The following RAB6A variants were observed in gnomAD, a reference collection of about 807,000 sequenced individuals.
RAB6A encodes the protein ras-related protein Rab-6A.
Under a neutral mutation model 32.3 loss-of-function variants are expected in RAB6A, and 8 were observed. The observed-to-expected ratio is 0.25, with a 90% CI of 0.15 to 0.45. The LOEUF (loss-of-function observed/expected upper bound fraction) is 0.45, where lower values mean the gene tolerates loss of function less well. RAB6A is among the 20% of genes least tolerant of loss of function. The pLI, the probability that RAB6A is intolerant of heterozygous loss-of-function variation, is 1.00. For synonymous variants in RAB6A, 73 were observed against 82.1 expected, an observed-to-expected ratio of 0.89 and a Z score of 0.60; for missense variants, 104 against 249.4, an observed-to-expected ratio of 0.42 and a Z score of 3.93.
At chr11:73,746,884 A>G (rs1212432872) in intron 1 of RAB6A, among the ~76,000 whole-genome samples, 2 of 152,218 alleles carry the variant, frequency 1.3e-5, no homozygotes, top group Admixed American at 1.3e-4. Flanking sequence ...CTGTGCCTCA[A>G]TTTCCTCACG....
At chr11:73,760,505 AC>A in intron 1 of RAB6A, 60 bp downstream of exon 1, 1 of 1,538,244 alleles carries the variant, frequency 6.5e-7, no homozygotes, top group African/African-American at 1.4e-5. Context: ...GAAGGGCCGC[AC>A]CGGGGGCGGT....
intron 2 of RAB6A, among the ~76,000 whole-genome samples, chr11:73,728,393 G>C (rs1280417057): frequency 1.3e-5 from 2 of 151,900 alleles, no homozygotes; most frequent in African/African-American, 4.8e-5. Flanking sequence ...CTTTTTATGT[G>C]TACATTCAAA....
intron 6 of RAB6A, among the ~76,000 whole-genome samples, chr11:73,687,594 A>C (rs542906002): frequency 2.0e-5 from 3 of 152,216 alleles, no homozygotes; most frequent in African/African-American, 7.2e-5. Flanking sequence ...GGCTCATGCC[A>C]CTCGTAATCC....
chr11:73,682,826 G>A (rs949295188), intron 6 of RAB6A, among the ~76,000 whole-genome samples: 21 of 152,054 alleles, frequency 1.4e-4, no homozygotes, highest in African/African-American at 3.9e-4. Flanking sequence ...ATTATACCCC[G>A]TTTAAACCAG....
chr11:73,716,034 T>G (rs1412875626), intron 5 of RAB6A, among the ~76,000 whole-genome samples: 1 of 152,234 alleles, frequency 6.6e-6, no homozygotes, highest in Non-Finnish European at 1.5e-5. Flanking sequence ...AAGAGTTATT[T>G]ACACATGGGC....
intron 3 of RAB6A, chr11:73,718,933 T>C: frequency 7.1e-7 from 1 of 1,411,394 alleles, no homozygotes; most frequent in Non-Finnish European, 9.8e-7. Context: ...AAAACCAAAC[T>C]AATACTAAAA....
intron 1 of RAB6A, among the ~76,000 whole-genome samples, chr11:73,746,757 C>G (rs1050297816): frequency 4.0e-5 from 6 of 149,554 alleles, no homozygotes; most frequent in African/African-American, 1.5e-4. Flanking sequence ...CAAAACTCTG[C>G]CTCGAAATAA....
At chr11:73,697,103 A>G (rs779560162) in intron 6 of RAB6A, among the ~76,000 whole-genome samples, 3 of 151,810 alleles carry the variant, frequency 2.0e-5, no homozygotes, top group Non-Finnish European at 4.4e-5. Flanking sequence ...TAATTTCCTT[A>G]CTATTCCTTA....
chr11:73,731,318 G>A (rs1439914000), intron 1 of RAB6A, among the ~76,000 whole-genome samples: 1 of 152,038 alleles, frequency 6.6e-6, no homozygotes, highest in Non-Finnish European at 1.5e-5. Flanking sequence ...GCCAACGTGG[G>A]TGGATCACGA....
chr11:73,730,576 G>T (rs982899925), intron 2 of RAB6A, 189 bp downstream of exon 2: 5 of 530,096 alleles, frequency 9.4e-6, no homozygotes, highest in Admixed American at 4.0e-5. Context: ...AGAGACAAAA[G>T]AAATCAAATG....
intron 1 of RAB6A, among the ~76,000 whole-genome samples, chr11:73,739,280 A>ATAT (rs1389085059): frequency 2.2e-4 from 4 of 18,420 alleles, no homozygotes; most frequent in African/African-American, 4.8e-4. Context: ...AAAAAAAAAA[A>ATAT]AAAAATATAT....
At chr11:73,735,975 T>G (rs1221153612) in intron 1 of RAB6A, among the ~76,000 whole-genome samples, 1 of 141,234 alleles carries the variant, frequency 7.1e-6, no homozygotes, top group African/African-American at 2.6e-5. Context: ...TCACATACCA[T>G]ACAATTCACC....
chr11:73,750,032 T>A (rs984211955), intron 1 of RAB6A, among the ~76,000 whole-genome samples: 2 of 152,212 alleles, frequency 1.3e-5, no homozygotes, highest in African/African-American at 4.8e-5. Flanking sequence ...TAAAAAATAT[T>A]TTTTTTAAAT....
chr11:73,754,214 A>G (rs554047179), intron 1 of RAB6A, among the ~76,000 whole-genome samples: 2 of 152,308 alleles, frequency 1.3e-5, no homozygotes, highest in Admixed American at 6.5e-5. Flanking sequence ...AACTGTATGT[A>G]CCACGCAGTT....
At chr11:73,680,755 T>C (rs1248380188) in intron 6 of RAB6A, among the ~76,000 whole-genome samples, 1 of 152,128 alleles carries the variant, frequency 6.6e-6, no homozygotes, top group East Asian at 1.9e-4. Flanking sequence ...AGAAAAGCAC[T>C]ATGTTAGAGA....
intron 1 of RAB6A, among the ~76,000 whole-genome samples, chr11:73,756,678 CTTTA>C (rs1431338139): frequency 1.3e-5 from 2 of 152,034 alleles, no homozygotes; most frequent in Non-Finnish European, 2.9e-5. Context: ...TTCAACATTC[CTTTA>C]TTTATTTATT....
chr11:73,758,946 AAAG>A (rs1946800272), intron 1 of RAB6A, among the ~76,000 whole-genome samples: 1 of 152,190 alleles, frequency 6.6e-6, no homozygotes, highest in South Asian at 2.1e-4. Flanking sequence ...ATATAAGCAA[AAAG>A]GAGGGAGATT....
chr11:73,709,961 A>ATATAT (rs1555058418), intron 5 of RAB6A, among the ~76,000 whole-genome samples: 902 of 81,722 alleles, frequency 0.011, 5 homozygotes, highest in Non-Finnish European at 0.014. Context: ...ATATATATAT[A>ATATAT]TTTTTTTTTT....
At chr11:73,684,603 C>T (rs1945412410) in intron 6 of RAB6A, among the ~76,000 whole-genome samples, 1 of 152,178 alleles carries the variant, frequency 6.6e-6, no homozygotes, top group East Asian at 1.9e-4. Flanking sequence ...TTGTAGTGAT[C>T]TAGAGCCAGA....
Sources: allele counts gnomAD v4.1 joint callset (sites outside exome capture counted in the v4.1 genomes callset), GRCh38; gene constraint gnomAD v4.1.1; transcripts MANE v1.5; gene names NCBI Gene and HGNC (gene_info 2026-07-23, HGNC 2026-07-21).